IQCH: variants seen among roughly 807,000 people sequenced by gnomAD.
IQCH encodes IQ motif containing H.
Under a neutral mutation model 117.0 loss-of-function variants are expected in IQCH, and 98 were observed. That is an observed-to-expected ratio of 0.84 (90% CI 0.71 to 0.99). IQCH has a LOEUF of 0.99. Among genes scored for constraint, IQCH ranks in the 50% least tolerant of loss-of-function variants. IQCH has a pLI of 0.00. For missense variants in IQCH, 1,102 were observed against 1,243.8 expected, an observed-to-expected ratio of 0.89 and a Z score of 1.72; for synonymous variants, 412 against 448.2, an observed-to-expected ratio of 0.92 and a Z score of 1.02.
In IQCH at chr15:67,496,391, A is replaced by T. The variant is rs1473617444; in HGVS notation, c.2970+2025A>T. Among the ~76,000 whole-genome samples the T allele has an allele frequency of 6.6e-6, 1 of 152,236 alleles. No homozygotes were observed. Among genetic ancestry groups the T allele is most frequent in the Non-Finnish European group, 1.5e-5 (1 of 68,022 alleles). ...AATAGAAGGTAACTTCCTCAACCTTATAAGGACATCTACCAAAAAACCCAC... is the reference window on the plus strand; with the variant it reads ...AATAGAAGGTAACTTCCTCAACCTTTTAAGGACATCTACCAAAAAACCCAC... On this transcript the variant is annotated intron_variant, in intron 20 of 20. Transcript: ENST00000335894. The surrounding 1 kb of genome is among the most constrained non-coding windows in gnomAD (Gnocchi z 4.4).
intron 10 of IQCH, among the ~76,000 whole-genome samples, chr15:67,383,883 T>A (rs1971024054): frequency 6.6e-6 from 1 of 152,216 alleles, no homozygotes; most frequent in Non-Finnish European, 1.5e-5. Context: ...AGACATTGTC[T>A]AGTGTTTAAA....
chr15:67,269,498 A>G (rs1273226741), intron 3 of IQCH, among the ~76,000 whole-genome samples: 1 of 152,220 alleles, frequency 6.6e-6, no homozygotes, highest in African/African-American at 2.4e-5. Context: ...AGAAACATGC[A>G]AATTATCTTC....
intron 6 of IQCH, among the ~76,000 whole-genome samples, chr15:67,349,924 A>G (rs1969580086): frequency 6.6e-6 from 1 of 152,228 alleles, no homozygotes; most frequent in Non-Finnish European, 1.5e-5. Flanking sequence ...GTTGGTAGGG[A>G]TGCAAAATGG....
chr15:67,402,505 G>C (rs1971703745), intron 14 of IQCH, among the ~76,000 whole-genome samples: 1 of 152,174 alleles, frequency 6.6e-6, no homozygotes, highest in African/African-American at 2.4e-5. Flanking sequence ...TGCACATTTA[G>C]ACATCAAAGC....
At chr15:67,468,846 GATTA>G (rs1329476380) in intron 17 of IQCH, among the ~76,000 whole-genome samples, 1 of 152,174 alleles carries the variant, frequency 6.6e-6, no homozygotes, top group East Asian at 1.9e-4. Flanking sequence ...TTATAAACAT[GATTA>G]ATTTTCAGGC....
At chr15:67,371,459 C>T in intron 8 of IQCH, 2 of 1,552,092 alleles carry the variant, frequency 1.3e-6, no homozygotes, top group Non-Finnish European at 1.7e-6. Flanking sequence ...GGGACAGCCC[C>T]AGATATGTTC....
intron 3 of IQCH, among the ~76,000 whole-genome samples, chr15:67,270,484 CA>C (rs1465096636): frequency 6.6e-6 from 1 of 152,162 alleles, no homozygotes; most frequent in Non-Finnish European, 1.5e-5. Flanking sequence ...AGTTGATCCC[CA>C]ATGTTAGAGG....
At chr15:67,468,931 G>A (rs907187895) in intron 17 of IQCH, among the ~76,000 whole-genome samples, 4 of 152,148 alleles carry the variant, frequency 2.6e-5, no homozygotes, top group African/African-American at 7.2e-5. Flanking sequence ...GTATCATGGC[G>A]AAAATACAAT....
At chr15:67,439,435 A>AATGCCTACCTTAACAAGACTGC (rs2082211205) in intron 16 of IQCH, among the ~76,000 whole-genome samples, 1 of 152,180 alleles carries the variant, frequency 6.6e-6, no homozygotes, top group African/African-American at 2.4e-5. Context: ...TATAGCCGTA[A>AATGCCTACCTTAACAAGACTGC]ATGCCTACCT....
intron 4 of IQCH, among the ~76,000 whole-genome samples, chr15:67,298,048 C>T (rs1458348177): frequency 6.6e-6 from 1 of 152,110 alleles, no homozygotes; most frequent in African/African-American, 2.4e-5. Context: ...GTGGCTCACA[C>T]CTGTTATCCC....
intron 10 of IQCH, among the ~76,000 whole-genome samples, chr15:67,377,135 A>C (rs4299099): frequency 0.44 from 63,300 of 144,256 alleles, 14,222 homozygotes; most frequent in Non-Finnish European, 0.51. Flanking sequence ...AAAAAAAGAA[A>C]AAAAGAAAAA....
rs573602559 is a variant in IQCH at position 67,261,849 on chromosome 15, GC to G, written c.174+457del. Among the ~76,000 whole-genome samples, 16 of 152,290 alleles carry G rather than the reference GC, an allele frequency of 1.1e-4. No homozygotes were observed. In the East Asian group the frequency reaches 2.7e-3, roughly 26 times the overall value. On this transcript the variant is annotated intron_variant, in intron 2 of 20. Transcript: ENST00000335894. ...GCCTGTAATCCAAGCACTTTGGGAG[GC>G]CAAGGCAGGCAGGTCACTTGAGCCC...
intron 4 of IQCH, among the ~76,000 whole-genome samples, chr15:67,287,643 A>T (rs4597266): frequency 0.68 from 102,840 of 151,476 alleles, 35,503 homozygotes; most frequent in Middle Eastern, 0.84. Context: ...TTTATTTGGG[A>T]CTTCTTTTTT....
At position 67,467,216 on chromosome 15, in the gene IQCH, C is replaced by G. The variant is rs1052952586; in HGVS notation, c.2676+1919C>G. On this transcript the variant is annotated intron_variant, in intron 17 of 20. Coordinates refer to ENST00000335894, the MANE Select transcript of IQCH (RefSeq NM_001031715.3). The surrounding 1 kb of genome is among the most constrained non-coding windows in gnomAD (Gnocchi z 5.7). The stretch of plus-strand genomic sequence containing the variant: ...CCAGCCTAGTTGACAGAGTGAGACT[C>G]TGTCTCAAAAAATAAAAATAAAAAT... Among the ~76,000 whole-genome samples the G allele has an allele frequency of 6.6e-6, 1 of 152,078 alleles. No individual in the cohort carries two copies. Among genetic ancestry groups the G allele is most frequent in the Non-Finnish European group, 1.5e-5 (1 of 68,010 alleles).
chr15:67,293,353 G>C (rs1175825798), intron 4 of IQCH, among the ~76,000 whole-genome samples: 2 of 152,024 alleles, frequency 1.3e-5, no homozygotes, highest in Non-Finnish European at 2.9e-5. Context: ...CTATTCGTGG[G>C]GGATTGGTCC....
rs117949491 is a variant in IQCH, at chr15:67,382,770, C to T, written c.1373-2166C>T. Among the ~76,000 whole-genome samples, 80 of 152,244 alleles carry T rather than the reference C, an allele frequency of 5.3e-4. 3 individuals are homozygous for T. The East Asian group carries it at 0.014, about 27-fold the overall frequency. On this transcript the variant is annotated intron_variant, in intron 10 of 20. Transcript: ENST00000335894. ...GAGGTTGATAGTCTCTCAGAACTCC[C>T]CCAGTGTTCCTAATTGATACCCTTG...
In IQCH at chr15:67,384,822, T is replaced by C. The variant is rs1971055206; in HGVS notation, c.1373-114T>C. 4.3e-6 allele frequency: 3 copies of C among 705,290 alleles called. No individual in the cohort carries two copies. In the East Asian group the frequency reaches 7.9e-5, roughly 19 times the overall value. 43.7% of individuals were successfully genotyped at this position (705,290 alleles called of 1,614,324 possible). On this transcript the variant is annotated intron_variant, in intron 10 of 20. Transcript: ENST00000335894. The surrounding 1 kb of genome is among the most constrained non-coding windows in gnomAD (Gnocchi z 4.3). Reference sequence around the variant, plus strand: ...GGATTGGGTTGTTTCTGTAAGATGCTTCAGAGAAAATTTTTTCCTGGAAAT... The same window carrying C: ...GGATTGGGTTGTTTCTGTAAGATGCCTCAGAGAAAATTTTTTCCTGGAAAT...
rs1391878372 is a variant in IQCH, at chr15:67,388,207, TAAG to T, written c.1457-620_1457-618del. The stretch of plus-strand genomic sequence containing the variant: ...TATGTTACATGTAAGAAGCACATCT[TAAG>T]AAGGAGAAAAGTTAAATTAAGATGG... On this transcript the variant is annotated intron_variant, in intron 11 of 20. Transcript: ENST00000335894. The surrounding 1 kb of genome is among the most constrained non-coding windows in gnomAD (Gnocchi z 5.5). Among the ~76,000 whole-genome samples the T allele has an allele frequency of 6.6e-6, 1 of 152,194 alleles. No individual in the cohort carries two copies. Among genetic ancestry groups the T allele is most frequent in the African/African-American group, 2.4e-5 (1 of 41,452 alleles).
chr15:67,402,478 G>C (rs562217910), intron 14 of IQCH, among the ~76,000 whole-genome samples: 30 of 152,298 alleles, frequency 2.0e-4, no homozygotes, highest in Middle Eastern at 6.8e-3. Flanking sequence ...CTTTGTTCCA[G>C]AAGACCATCG....
Sources: gnomAD v4.1 joint callset for allele counts (sites outside exome capture counted in the v4.1 genomes callset) on GRCh38, gnomAD v4.1.1 for gene constraint, Gnocchi (gnomAD v3.1) non-coding constraint, MANE v1.5 for transcripts, NCBI Gene and HGNC (gene_info 2026-07-23, HGNC 2026-07-21) for gene names.